MICU1: variants seen among roughly 807,000 people sequenced by gnomAD.
MICU1 encodes the protein calcium uptake protein 1, mitochondrial.
A neutral mutation model predicts 56.8 loss-of-function variants in MICU1; 45 were observed. The observed-to-expected ratio is 0.79, with a 90% CI of 0.62 to 1.02. MICU1 has a LOEUF of 1.02. Ranked by LOEUF, MICU1 falls within the 50% of genes least tolerant of loss-of-function variation. The probability of loss-of-function intolerance (pLI) is 0.00; values close to 1 mark genes in which losing one functional copy is unlikely to be tolerated. For missense variants in MICU1, 504 were observed against 587.1 expected (o/e 0.86, Z 1.46); for synonymous variants, 186 against 195.1 (o/e 0.95, Z 0.39).
At chr10:72,536,196 A>C (rs1164089719) in intron 4 of MICU1, among the ~76,000 whole-genome samples, 1 of 152,138 alleles carries the variant, frequency 6.6e-6, no homozygotes, top group African/African-American at 2.4e-5. Context: ...ATCTAGAAGG[A>C]AGGCACTGAC....
intron 9 of MICU1, among the ~76,000 whole-genome samples, chr10:72,411,054 A>G (rs1357148555): frequency 6.6e-6 from 1 of 152,258 alleles, no homozygotes; most frequent in Admixed American, 6.5e-5. Context: ...AGATTCTGAC[A>G]CAAGCTACAG....
At chr10:72,589,226 T>G (rs573953179) in intron 1 of MICU1, among the ~76,000 whole-genome samples, 1 of 151,522 alleles carries the variant, frequency 6.6e-6, no homozygotes, top group African/African-American at 2.4e-5. Context: ...GAGGCGGAGG[T>G]TGCAGTGGGC....
intron 8 of MICU1, among the ~76,000 whole-genome samples, chr10:72,454,233 TC>T (rs1368741894): frequency 1.4e-5 from 2 of 146,172 alleles, no homozygotes; most frequent in African/African-American, 5.1e-5. Flanking sequence ...GGTGGGCGGA[TC>T]ACCTGAGGTC....
chr10:72,427,534 A>G (rs1864382597), intron 8 of MICU1, among the ~76,000 whole-genome samples: 1 of 152,128 alleles, frequency 6.6e-6, no homozygotes, highest in South Asian at 2.1e-4. Context: ...CTTCTCTTTC[A>G]TACAGTTATC....
At chr10:72,435,845 C>A (rs7893367) in intron 8 of MICU1, among the ~76,000 whole-genome samples, 1 of 152,226 alleles carries the variant, frequency 6.6e-6, no homozygotes, top group African/African-American at 2.4e-5. Context: ...GGAGAGGTGT[C>A]CACCATTGCT....
At chr10:72,400,900 CA>C (rs879376307) in intron 10 of MICU1, among the ~76,000 whole-genome samples, 4 of 149,370 alleles carry the variant, frequency 2.7e-5, no homozygotes, top group South Asian at 2.1e-4. Flanking sequence ...CACACACACA[CA>C]CACCCTATAT....
chr10:72,369,018 T>C (rs1862238337), intron 11 of MICU1, among the ~76,000 whole-genome samples: 1 of 152,068 alleles, frequency 6.6e-6, no homozygotes, highest in Non-Finnish European at 1.5e-5. Context: ...TGGCTTGTGC[T>C]TGATTTCCTA....
At chr10:72,519,298 T>TA (rs991496418) in intron 5 of MICU1, among the ~76,000 whole-genome samples, 1 of 152,208 alleles carries the variant, frequency 6.6e-6, no homozygotes, top group Admixed American at 6.5e-5. Context: ...TTTCAAAACT[T>TA]AAAGTGTAGT....
At chr10:72,495,639 G>C (rs1866812609) in intron 6 of MICU1, among the ~76,000 whole-genome samples, 1 of 119,902 alleles carries the variant, frequency 8.3e-6, no homozygotes, top group Non-Finnish European at 1.6e-5. Context: ...TGGGCAACAA[G>C]AGTGAACCTC....
intron 8 of MICU1, among the ~76,000 whole-genome samples, chr10:72,465,810 G>A (rs1865778962): frequency 6.6e-6 from 1 of 152,020 alleles, no homozygotes; most frequent in East Asian, 1.9e-4. Context: ...CACCATGCCT[G>A]GCCCTTGTTC....
chr10:72,440,830 C>A (rs528691860), intron 8 of MICU1, among the ~76,000 whole-genome samples: 1 of 152,300 alleles, frequency 6.6e-6, no homozygotes, highest in African/African-American at 2.4e-5. Context: ...CAGAGAAATG[C>A]AAATCAAAAC....
At chr10:72,393,983 G>A (rs1481085307) in intron 10 of MICU1, among the ~76,000 whole-genome samples, 2 of 152,124 alleles carry the variant, frequency 1.3e-5, no homozygotes, top group African/African-American at 4.8e-5. Context: ...TGGCCAGGAT[G>A]GTCTCAATCT....
intron 5 of MICU1, among the ~76,000 whole-genome samples, chr10:72,528,123 GC>G (rs1211457938): frequency 6.6e-6 from 1 of 152,184 alleles, no homozygotes; most frequent in Non-Finnish European, 1.5e-5. Flanking sequence ...TCTGGGCCTA[GC>G]CCAGAAATTT....
At chr10:72,424,114 C>T (rs976208607) in intron 8 of MICU1, among the ~76,000 whole-genome samples, 1 of 109,840 alleles carries the variant, frequency 9.1e-6, no homozygotes, top group Non-Finnish European at 2.7e-5. Context: ...TGACCATTTC[C>T]CCCCCACCTT....
rs1239295992 is a variant in MICU1 at position 72,569,228 on chromosome 10, TATA to T, written c.-1-2437_-1-2435del. Reference sequence around the variant, plus strand: ...ATGCATATATATATATATATATATATATATATATATTTTTTTTTTTTTTTGAGA... The same window carrying T: ...ATGCATATATATATATATATATATATTATATATTTTTTTTTTTTTTTGAGA... On this transcript the variant is annotated intron_variant, in intron 1 of 11. Transcript: ENST00000361114. 6.3e-3 allele frequency among the ~76,000 whole-genome samples: 370 copies of T among 58,492 alleles called. 9 individuals are homozygous for T. Among genetic ancestry groups the T allele is most frequent in the African/African-American group, 0.025 (309 of 12,172 alleles). The allele number at this position is 58,492 out of a possible 152,430, so 38.4% of individuals were successfully genotyped here. A position where few individuals can be genotyped will look rare whatever the true frequency, so the allele number is the denominator to read the frequency against.
At chr10:72,507,569 T>C (rs560286317) in intron 6 of MICU1, among the ~76,000 whole-genome samples, 4 of 152,292 alleles carry the variant, frequency 2.6e-5, no homozygotes, top group South Asian at 2.1e-4. Context: ...AAGGATATAG[T>C]AGTAAGCAAT....
At chr10:72,385,228 G>A (rs570395444) in intron 10 of MICU1, among the ~76,000 whole-genome samples, 3 of 152,210 alleles carry the variant, frequency 2.0e-5, no homozygotes, top group East Asian at 3.9e-4. Context: ...AGTGGCTCAC[G>A]TCTATAAATC....
intron 6 of MICU1, among the ~76,000 whole-genome samples, chr10:72,504,310 G>A (rs746998578): frequency 6.6e-5 from 10 of 151,900 alleles, no homozygotes; most frequent in East Asian, 1.9e-4. Flanking sequence ...CAGAAAACCC[G>A]GAAATAAAGC....
At chr10:72,473,922 T>C (rs1257498108) in intron 8 of MICU1, among the ~76,000 whole-genome samples, 3 of 152,074 alleles carry the variant, frequency 2.0e-5, no homozygotes, top group African/African-American at 7.2e-5. Flanking sequence ...GTAGTTAATG[T>C]TTTGAAATTC....
Sources: allele counts gnomAD v4.1 joint callset (sites outside exome capture counted in the v4.1 genomes callset), GRCh38; gene constraint gnomAD v4.1.1; transcripts MANE v1.5; gene names NCBI Gene and HGNC (gene_info 2026-07-23, HGNC 2026-07-21).